Variants in HPSE2 observed in about 807,000 individuals in gnomAD.
HPSE2 encodes the protein inactive heparanase-2.
HPSE2 carries 38 observed loss-of-function variants against 60.5 expected under a neutral mutation model. The observed-to-expected ratio is 0.63, with a 90% CI of 0.48 to 0.82. The LOEUF (loss-of-function observed/expected upper bound fraction) is 0.82. Among genes scored for constraint, HPSE2 ranks in the 40% least tolerant of loss-of-function variants. The probability of loss-of-function intolerance (pLI) is 0.00; values close to 1 mark genes in which losing one functional copy is unlikely to be tolerated. For synonymous variants in HPSE2, 295 were observed against 293.2 expected (o/e 1.01, Z -0.06); for missense variants, 713 against 740.4 (o/e 0.96, Z 0.43).
chr10:98,796,228 C>A (rs1368886561), intron 3 of HPSE2, among the ~76,000 whole-genome samples: 1 of 152,154 alleles, frequency 6.6e-6, no homozygotes, highest in Non-Finnish European at 1.5e-5. Context: ...TCTGGGGGTC[C>A]CTGAGTCCAG....
intron 2 of HPSE2, among the ~76,000 whole-genome samples, chr10:99,218,869 C>T (rs1031965337): frequency 3.9e-5 from 6 of 152,138 alleles, no homozygotes; most frequent in Admixed American, 3.3e-4. Context: ...TCTACTCTTC[C>T]AAGGAGATTC....
intron 2 of HPSE2, among the ~76,000 whole-genome samples, chr10:99,215,205 C>T (rs1849078539): frequency 6.6e-6 from 1 of 152,130 alleles, no homozygotes; most frequent in African/African-American, 2.4e-5. Flanking sequence ...AACCCAAATG[C>T]CCACCAATGA....
chr10:99,216,193 T>TTC (rs1849117194), intron 2 of HPSE2, among the ~76,000 whole-genome samples: 1 of 146,608 alleles, frequency 6.8e-6, no homozygotes, highest in African/African-American at 2.5e-5. Flanking sequence ...CTAAACTTTT[T>TTC]TTTTTTTTTT....
At chr10:98,873,129 T>C (rs907400168) in intron 3 of HPSE2, among the ~76,000 whole-genome samples, 1 of 152,120 alleles carries the variant, frequency 6.6e-6, no homozygotes, top group Non-Finnish European at 1.5e-5. Context: ...TATAATTTTA[T>C]GTGGTATATG....
At chr10:98,959,363 A>G (rs1281216743) in intron 3 of HPSE2, among the ~76,000 whole-genome samples, 5 of 150,302 alleles carry the variant, frequency 3.3e-5, no homozygotes, top group Non-Finnish European at 7.4e-5. Context: ...CTCTGGAAAA[A>G]AAAAAAAAAA....
At chr10:98,654,681 T>A (rs1947010547) in intron 6 of HPSE2, among the ~76,000 whole-genome samples, 2 of 152,228 alleles carry the variant, frequency 1.3e-5, no homozygotes, top group Admixed American at 1.3e-4. Context: ...AAATTCTCCA[T>A]CTAGTAATTC....
At chr10:99,278,199 T>C in the HPSE2 span, among the ~76,000 whole-genome samples, 22 of 151,562 alleles carry the variant, frequency 1.5e-4, no homozygotes, top group African/African-American at 5.1e-4. Context: ...GTAATATGCA[T>C]GTGAAAAAAA....
chr10:99,189,155 C>T (rs1004702985), intron 2 of HPSE2, among the ~76,000 whole-genome samples: 3 of 152,178 alleles, frequency 2.0e-5, no homozygotes, highest in East Asian at 3.8e-4. Context: ...ACAAACTGTC[C>T]ATCCAATGCA....
chr10:99,061,155 G>GTGGT (rs1958234412), intron 3 of HPSE2, among the ~76,000 whole-genome samples: 1 of 152,110 alleles, frequency 6.6e-6, no homozygotes, highest in African/African-American at 2.4e-5. Flanking sequence ...GTGGACTAGG[G>GTGGT]TGGTGGTTTA....
At position 98,459,241 on chromosome 10, in the gene HPSE2, T is replaced by C; in HGVS notation, c.*333A>G. The C allele has an allele frequency of 2.7e-6, 1 of 364,930 alleles. No individual in the cohort carries two copies. The highest frequency in any genetic ancestry group is 5.3e-6 in the Non-Finnish European group (1 of 189,344). 22.6% of individuals were successfully genotyped at this position (364,930 alleles called of 1,614,324 possible). ...GTTATAATGCTGTGTGACAGGATCA[T>C]GGGGAGTTGTCTGGAAACATTTCTC... On this transcript the variant is annotated 3_prime_UTR_variant, in exon 12 of 12. Coordinates refer to ENST00000370552, the MANE Select transcript of HPSE2 (RefSeq NM_021828.5).
intron 3 of HPSE2, among the ~76,000 whole-genome samples, chr10:99,114,917 A>AAAG (rs974215583): frequency 2.9e-4 from 44 of 150,926 alleles, no homozygotes; most frequent in Admixed American, 4.6e-4. Flanking sequence ...AAAAAAAAAA[A>AAAG]AAGAAGAAGA....
chr10:98,854,110 T>C (rs1241056046), intron 3 of HPSE2, among the ~76,000 whole-genome samples: 1 of 152,170 alleles, frequency 6.6e-6, no homozygotes, highest in African/African-American at 2.4e-5. Context: ...CAGTTAAGAA[T>C]GAGAGTTTAA....
intron 3 of HPSE2, among the ~76,000 whole-genome samples, chr10:99,109,043 CT>C (rs1245504333): frequency 6.6e-6 from 1 of 152,162 alleles, no homozygotes; most frequent in Non-Finnish European, 1.5e-5. Context: ...CACTAATGTA[CT>C]TATGGCAACC....
chr10:98,537,968 T>G (rs1386694622), intron 9 of HPSE2, among the ~76,000 whole-genome samples: 1 of 152,234 alleles, frequency 6.6e-6, no homozygotes, highest in Non-Finnish European at 1.5e-5. Flanking sequence ...ATCTTTCTTA[T>G]AAGTGCAGAG....
At chr10:98,491,528 G>T (rs1292310027) in intron 9 of HPSE2, among the ~76,000 whole-genome samples, 3 of 152,130 alleles carry the variant, frequency 2.0e-5, no homozygotes, top group Non-Finnish European at 2.9e-5. Context: ...TTATGAAGTG[G>T]TTTTCACATT....
chr10:98,556,049 T>G (rs1943998583), intron 9 of HPSE2, among the ~76,000 whole-genome samples: 1 of 152,220 alleles, frequency 6.6e-6, no homozygotes, highest in Non-Finnish European at 1.5e-5. Flanking sequence ...GAACCCATAT[T>G]AAACTCCGAC....
chr10:98,969,016 T>A lies in HPSE2; in HGVS notation c.610+175222A>T, dbSNP rs117464419. Among the ~76,000 whole-genome samples, 86 of 152,150 alleles carry A rather than the reference T, an allele frequency of 5.7e-4. No homozygotes were observed. In the East Asian group the frequency reaches 0.016, roughly 29 times the overall value. On this transcript the variant is annotated intron_variant, in intron 3 of 11. Coordinates refer to ENST00000370552, the MANE Select transcript of HPSE2 (RefSeq NM_021828.5). ...AATAAAAAACATAAATAAATAAATATCACAAAATATGTCCTGCATTCCATA... is the reference window on the plus strand; with the variant it reads ...AATAAAAAACATAAATAAATAAATAACACAAAATATGTCCTGCATTCCATA...
At chr10:98,770,051 C>T (rs142100337) in intron 3 of HPSE2, among the ~76,000 whole-genome samples, 5 of 152,242 alleles carry the variant, frequency 3.3e-5, no homozygotes, top group South Asian at 2.1e-4. Flanking sequence ...TAATAGGGCA[C>T]GCACTTGGTG....
chr10:98,486,076 G>A (rs565379611), intron 10 of HPSE2, among the ~76,000 whole-genome samples: 5 of 152,294 alleles, frequency 3.3e-5, no homozygotes, highest in African/African-American at 9.6e-5. Context: ...AACTCATAGC[G>A]CCTTCTCAGG....
Sources: gnomAD v4.1 joint callset for allele counts (sites outside exome capture counted in the v4.1 genomes callset) on GRCh38, gnomAD v4.1.1 for gene constraint, MANE v1.5 for transcripts, NCBI Gene and HGNC (gene_info 2026-07-23, HGNC 2026-07-21) for gene names.